Variants in FARS2 observed in about 807,000 individuals in gnomAD.
The protein encoded by FARS2 is phenylalanine--tRNA ligase, mitochondrial.
A neutral mutation model predicts 46.4 loss-of-function variants in FARS2; 40 were observed. That is an observed-to-expected ratio of 0.86 (90% CI 0.67 to 1.12). The LOEUF is 1.12. Among genes scored for constraint, FARS2 ranks in the 50% most tolerant of loss-of-function variants. The probability of loss-of-function intolerance (pLI) is 0.00; values close to 1 mark genes in which losing one functional copy is unlikely to be tolerated. For missense variants in FARS2, 513 were observed against 567.9 expected (o/e 0.90, Z 0.98); for synonymous variants, 234 against 214.9 (o/e 1.09, Z -0.78).
chr6:5,687,751 C>A (rs1200304510), intron 6 of FARS2, among the ~76,000 whole-genome samples: 1 of 152,152 alleles, frequency 6.6e-6, no homozygotes, highest in East Asian at 1.9e-4. Flanking sequence ...TCATTGGTAA[C>A]TTGATGGGTA....
At chr6:5,356,913 A>G (rs1020801731) in intron 1 of FARS2, among the ~76,000 whole-genome samples, 1 of 150,534 alleles carries the variant, frequency 6.6e-6, no homozygotes, top group African/African-American at 2.4e-5. Flanking sequence ...ACAGACCTAC[A>G]AAGGTTATAG....
chr6:5,544,710 G>A (rs140749119), intron 4 of FARS2, among the ~76,000 whole-genome samples: 48 of 152,272 alleles, frequency 3.2e-4, no homozygotes, highest in African/African-American at 9.9e-4. Flanking sequence ...AAGGCATGAC[G>A]TATGTACTTT....
intron 4 of FARS2, among the ~76,000 whole-genome samples, chr6:5,441,692 C>A (rs1361158430): frequency 6.6e-6 from 1 of 152,204 alleles, no homozygotes; most frequent in Non-Finnish European, 1.5e-5. Flanking sequence ...TTTGCTATTA[C>A]AAATGCTACT....
At chr6:5,609,227 T>G in intron 5 of FARS2, 2 of 1,202,010 alleles carry the variant, frequency 1.7e-6, no homozygotes, top group Admixed American at 3.4e-5. Context: ...TGTTTCCTAA[T>G]TAAAATCTTC....
intron 1 of FARS2, among the ~76,000 whole-genome samples, chr6:5,264,878 C>A (rs1765444960): frequency 6.6e-6 from 1 of 151,928 alleles, no homozygotes; most frequent in Non-Finnish European, 1.5e-5. Flanking sequence ...GTTGTAACTT[C>A]AAACTCCCGT....
rs537001689 is a variant in FARS2 at position 5,482,323 on chromosome 6, C to T, written c.904+51151C>T. ...GGTAAATTACACAGCATCTTATTATCTCTGATTTGATGCAATATGGTTTAA... is the reference window on the plus strand; with the variant it reads ...GGTAAATTACACAGCATCTTATTATTTCTGATTTGATGCAATATGGTTTAA... On this transcript the variant is annotated intron_variant, in intron 4 of 6. Coordinates refer to ENST00000274680, the MANE Select transcript of FARS2 (RefSeq NM_006567.5). 4.6e-5 allele frequency among the ~76,000 whole-genome samples: 7 copies of T among 152,160 alleles called. No homozygotes were observed. The South Asian group carries it at 1.5e-3, about 32-fold the overall frequency.
chr6:5,438,044 G>A (rs147524171), intron 4 of FARS2, among the ~76,000 whole-genome samples: 2 of 151,992 alleles, frequency 1.3e-5, no homozygotes, highest in East Asian at 1.9e-4. Context: ...CGGATTGATG[G>A]ATTTTTATTT....
intron 4 of FARS2, among the ~76,000 whole-genome samples, chr6:5,434,845 A>G (rs2503835): frequency 0.085 from 12,883 of 152,146 alleles, 1,813 homozygotes; most frequent in African/African-American, 0.29. Flanking sequence ...AAGAAACAAT[A>G]TAATTGATGA....
At chr6:5,656,045 T>C (rs996358175) in intron 6 of FARS2, among the ~76,000 whole-genome samples, 1 of 152,318 alleles carries the variant, frequency 6.6e-6, no homozygotes, top group East Asian at 1.9e-4. Context: ...TCCAGGTATG[T>C]TGGGTATCAT....
chr6:5,758,211 A>G (rs59058623), intron 6 of FARS2, among the ~76,000 whole-genome samples: 13,244 of 151,548 alleles, frequency 0.087, 1,002 homozygotes, highest in East Asian at 0.25. Context: ...TTTTTTTTTT[A>G]AAGAATTTTT....
At chr6:5,404,324 A>G (rs911020419) in intron 2 of FARS2, among the ~76,000 whole-genome samples, 5 of 152,222 alleles carry the variant, frequency 3.3e-5, no homozygotes, top group African/African-American at 1.2e-4. Flanking sequence ...AGAGTGTCTT[A>G]ATTCTCTAAA....
At chr6:5,670,098 A>G (rs1261897994) in intron 6 of FARS2, among the ~76,000 whole-genome samples, 2 of 152,250 alleles carry the variant, frequency 1.3e-5, no homozygotes, top group African/African-American at 2.4e-5. Flanking sequence ...GAGGCAAGAT[A>G]TAAACACTTA....
intron 5 of FARS2, among the ~76,000 whole-genome samples, chr6:5,553,142 CT>C (rs1291975615): frequency 1.3e-5 from 2 of 152,094 alleles, no homozygotes; most frequent in African/African-American, 2.4e-5. Flanking sequence ...GCAATGTTGG[CT>C]GTTATCTTTT....
intron 5 of FARS2, among the ~76,000 whole-genome samples, chr6:5,593,915 C>A (rs1394909835): frequency 6.6e-6 from 1 of 152,152 alleles, no homozygotes; most frequent in Non-Finnish European, 1.5e-5. Flanking sequence ...GGTGGCTGAA[C>A]ACACAGCAGC....
chr6:5,677,768 GC>G (rs1778839465), intron 6 of FARS2, among the ~76,000 whole-genome samples: 1 of 152,118 alleles, frequency 6.6e-6, no homozygotes, highest in Non-Finnish European at 1.5e-5. Context: ...GTTTTATCTC[GC>G]AGCTACTTGA....
At chr6:5,578,425 C>T (rs906384466) in intron 5 of FARS2, among the ~76,000 whole-genome samples, 7 of 152,072 alleles carry the variant, frequency 4.6e-5, no homozygotes, top group African/African-American at 1.7e-4. Flanking sequence ...TGTGAAAAAG[C>T]CTGGATTCAT....
chr6:5,661,498 G>C (rs1038937160), intron 6 of FARS2, among the ~76,000 whole-genome samples: 36 of 152,172 alleles, frequency 2.4e-4, no homozygotes, highest in African/African-American at 8.7e-4. Context: ...CCAGATAGAG[G>C]AGAGCAAATC....
chr6:5,332,760 G>T (rs1170703354), intron 1 of FARS2, among the ~76,000 whole-genome samples: 2 of 152,210 alleles, frequency 1.3e-5, no homozygotes, highest in African/African-American at 4.8e-5. Flanking sequence ...TATTGCACAT[G>T]ATATTGTGCC....
chr6:5,764,568 C>A lies in FARS2; in HGVS notation c.1218-6723C>A, dbSNP rs1762653849. 6.6e-6 allele frequency among the ~76,000 whole-genome samples: 1 copy of A among 152,182 alleles called. No individual in the cohort carries two copies. Among genetic ancestry groups the A allele is most frequent in the African/African-American group, 2.4e-5 (1 of 41,436 alleles). On this transcript the variant is annotated intron_variant, in intron 6 of 6. Transcript: ENST00000274680. This position sits in a 1 kb window ranked among gnomAD's most constrained non-coding sequence, Gnocchi z 4.1. ...TCTGAAAATGGAAGCTGCCCCGTGA[C>A]AGCATCTTCTCTCCCGTTGAGTAAT...
Sources: gnomAD v4.1 joint callset for allele counts (sites outside exome capture counted in the v4.1 genomes callset) on GRCh38, gnomAD v4.1.1 for gene constraint, Gnocchi (gnomAD v3.1) non-coding constraint, MANE v1.5 for transcripts, NCBI Gene and HGNC (gene_info 2026-07-23, HGNC 2026-07-21) for gene names.